The following OPCML variants were observed in gnomAD, a reference collection of about 807,000 sequenced individuals.
OPCML encodes opioid binding protein/cell adhesion molecule like.
A neutral mutation model predicts 37.8 loss-of-function variants in OPCML; 13 were observed. The observed-to-expected ratio is 0.34, with a 90% confidence interval of 0.22 to 0.55. OPCML has a LOEUF of 0.55. OPCML is among the 20% of genes least tolerant of loss of function. The probability of loss-of-function intolerance (pLI) is 0.91; values close to 1 mark genes in which losing one functional copy is unlikely to be tolerated. For missense variants in OPCML, 341 were observed against 435.6 expected, an observed-to-expected ratio of 0.78 and a Z score of 1.93; for synonymous variants, 176 against 168.8, an observed-to-expected ratio of 1.04 and a Z score of -0.33.
intron 1 of OPCML, among the ~76,000 whole-genome samples, chr11:133,040,997 G>A (rs568095039): frequency 6.6e-6 from 1 of 152,182 alleles, no homozygotes; most frequent in Non-Finnish European, 1.5e-5. Flanking sequence ...TGGGGGCTCG[G>A]ACTATAAAAG....
intron 2 of OPCML, among the ~76,000 whole-genome samples, chr11:132,865,095 T>G (rs1289275676): frequency 9.2e-5 from 14 of 152,224 alleles, no homozygotes; most frequent in Non-Finnish European, 1.9e-4. Flanking sequence ...CAGGTCATTC[T>G]TTTTTCCTTT....
At chr11:132,614,579 T>C (rs1465179206) in intron 3 of OPCML, among the ~76,000 whole-genome samples, 1 of 152,168 alleles carries the variant, frequency 6.6e-6, no homozygotes, top group African/African-American at 2.4e-5. Context: ...GCTGCTTATG[T>C]AGGACAAGGT....
At position 132,420,034 on chromosome 11, in the gene OPCML, A is replaced by C. The variant is rs969349623; in HGVS notation, c.*159T>G. ...CCAACCCCACTCATTCAAGCTGGAA[A>C]TAAAAGCAAACAAACAAATAAACAA... On this transcript the variant is annotated 3_prime_UTR_variant, in exon 8 of 8. Transcript: ENST00000524381. The C allele has an allele frequency of 8.5e-6, 5 of 588,618 alleles. No individual in the cohort carries two copies. The highest frequency in any genetic ancestry group is 7.5e-5 in the African/African-American group (4 of 53,160). 36.5% of individuals were successfully genotyped at this position (588,618 alleles called of 1,614,324 possible). A position where few individuals can be genotyped will look rare whatever the true frequency, so the allele number is the denominator to read the frequency against.
chr11:133,439,494 G>T lies in OPCML; in HGVS notation c.61+92770C>A, dbSNP rs967375132. ...TGTTTTTTTTCTTTTTTGAGATGGA[G>T]TCTCACTCTGTCGCCCAGGCTGGAG... On this transcript the variant is annotated intron_variant, in intron 1 of 7. Transcript: ENST00000524381. 5.3e-6 allele frequency: 5 copies of T among 940,552 alleles called. 1 individual carries two copies. In the South Asian group the frequency reaches 2.0e-4, roughly 37 times the overall value. 58.3% of individuals were successfully genotyped at this position (940,552 alleles called of 1,614,324 possible). A position where few individuals can be genotyped will look rare whatever the true frequency, so the allele number is the denominator to read the frequency against.
intron 4 of OPCML, among the ~76,000 whole-genome samples, chr11:132,474,924 TC>T (rs1335710069): frequency 1.3e-5 from 2 of 152,226 alleles, no homozygotes; most frequent in East Asian, 3.9e-4. Context: ...AAAATAACTG[TC>T]CCCCTTGGGT....
intron 1 of OPCML, among the ~76,000 whole-genome samples, chr11:132,976,101 G>C (rs528110124): frequency 2.6e-5 from 4 of 152,262 alleles, no homozygotes; most frequent in African/African-American, 9.6e-5. Context: ...CTTCTTCCTT[G>C]TCCAACATAA....
At chr11:133,140,763 C>CGACGAAGAAGAAGACGACGAT (rs138549636) in intron 1 of OPCML, among the ~76,000 whole-genome samples, 27 of 48,930 alleles carry the variant, frequency 5.5e-4, no homozygotes, top group Non-Finnish European at 1.0e-3. Flanking sequence ...AAGAAGACGA[C>CGACGAAGAAGAAGACGACGAT]GAAGAAGAAG....
chr11:133,474,440 C>T (rs1370377056), intron 1 of OPCML, among the ~76,000 whole-genome samples: 2 of 152,292 alleles, frequency 1.3e-5, no homozygotes, highest in African/African-American at 2.4e-5. Context: ...AGCTGTTTAC[C>T]AGCCACTGTT....
At chr11:132,668,389 C>T (rs1190100985) in intron 2 of OPCML, among the ~76,000 whole-genome samples, 1 of 152,208 alleles carries the variant, frequency 6.6e-6, no homozygotes, top group Non-Finnish European at 1.5e-5. Context: ...CTGCCACTTA[C>T]TAACACAGAG....
intron 1 of OPCML, among the ~76,000 whole-genome samples, chr11:133,082,552 C>A (rs922957704): frequency 1.1e-4 from 15 of 132,030 alleles, no homozygotes; most frequent in East Asian, 4.6e-4. Flanking sequence ...TCCCCCTCGC[C>A]CATCCCCCTT....
intron 3 of OPCML, among the ~76,000 whole-genome samples, chr11:132,557,889 G>A (rs1232326409): frequency 6.6e-6 from 1 of 152,152 alleles, no homozygotes; most frequent in African/African-American, 2.4e-5. Flanking sequence ...GGTATTTATA[G>A]ATAATGTGCT....
At chr11:132,513,836 T>C (rs1202398634) in intron 4 of OPCML, among the ~76,000 whole-genome samples, 7 of 152,340 alleles carry the variant, frequency 4.6e-5, no homozygotes, top group African/African-American at 1.7e-4. Context: ...ACTTTTATTG[T>C]ACTATAATTA....
intron 3 of OPCML, among the ~76,000 whole-genome samples, chr11:132,554,212 G>A (rs560226839): frequency 1.3e-5 from 2 of 152,320 alleles, no homozygotes; most frequent in African/African-American, 4.8e-5. Flanking sequence ...CCCCATGTCA[G>A]TCTGCTGTTC....
At chr11:132,435,940 G>T in intron 7 of OPCML, 146 bp downstream of exon 7, 2 of 700,108 alleles carry the variant, frequency 2.9e-6, no homozygotes, top group South Asian at 2.2e-5. Flanking sequence ...TAGGGGAATG[G>T]CAGGGAGAAG....
chr11:133,318,556 G>A (rs930678128), intron 1 of OPCML, among the ~76,000 whole-genome samples: 1 of 152,084 alleles, frequency 6.6e-6, no homozygotes, highest in African/African-American at 2.4e-5. Flanking sequence ...GATATATTTG[G>A]AATTGAGCCA....
intron 4 of OPCML, among the ~76,000 whole-genome samples, chr11:132,463,644 C>T (rs1273293065): frequency 1.3e-5 from 2 of 152,224 alleles, no homozygotes; most frequent in Non-Finnish European, 2.9e-5. Context: ...GGTATATCTC[C>T]TGAGCCATTT....
intron 1 of OPCML, among the ~76,000 whole-genome samples, chr11:133,296,102 C>T (rs1018547180): frequency 1.3e-5 from 2 of 152,242 alleles, no homozygotes; most frequent in Non-Finnish European, 2.9e-5. Context: ...AAACATTAAC[C>T]GCCATGGAAT....
intron 1 of OPCML, among the ~76,000 whole-genome samples, chr11:133,424,686 T>C (rs1048585650): frequency 6.6e-6 from 1 of 152,238 alleles, no homozygotes; most frequent in Non-Finnish European, 1.5e-5. Flanking sequence ...TGTTCATCTT[T>C]TGTTCGTGTC....
chr11:133,486,869 CCT>C (rs571049629), intron 1 of OPCML, among the ~76,000 whole-genome samples: 48 of 137,768 alleles, frequency 3.5e-4, no homozygotes, highest in Middle Eastern at 3.8e-3. Context: ...TCTCTCTTTC[CCT>C]CTCTATCTCT....
Sources: allele counts gnomAD v4.1 joint callset (sites outside exome capture counted in the v4.1 genomes callset), GRCh38; gene constraint gnomAD v4.1.1; transcripts MANE v1.5; gene names NCBI Gene and HGNC (gene_info 2026-07-23, HGNC 2026-07-21).